The following STK32B variants were observed in gnomAD, a reference collection of about 807,000 sequenced individuals.
STK32B encodes the protein serine/threonine kinase 32B.
A neutral mutation model predicts 52.6 loss-of-function variants in STK32B; 43 were observed. That is an observed-to-expected ratio of 0.82 (90% CI 0.64 to 1.05). The LOEUF (loss-of-function observed/expected upper bound fraction) is 1.05. STK32B is among the 50% of genes least tolerant of loss of function. The pLI is 0.00. For synonymous variants in STK32B, 238 were observed against 204.3 expected, an observed-to-expected ratio of 1.17 and a Z score of -1.41; for missense variants, 621 against 534.6, an observed-to-expected ratio of 1.16 and a Z score of -1.59.
At chr4:5,066,374 G>C (rs1373888378) in intron 1 of STK32B, among the ~76,000 whole-genome samples, 2 of 152,140 alleles carry the variant, frequency 1.3e-5, no homozygotes, top group African/African-American at 4.8e-5. Context: ...TGGGCTTCCT[G>C]ACTGGCCTCC....
rs1742104949 is a variant in STK32B at position 5,058,791 on chromosome 4, C to G, written c.52+6876C>G. ...TGATATAGAATCTCTCTCTCTGTCT[C>G]CCAGGATGGAGTGCAGTGGCGTGGT... On this transcript the variant is annotated intron_variant, in intron 1 of 11. Transcript: ENST00000282908. The surrounding 1 kb of genome is among the most constrained non-coding windows in gnomAD (Gnocchi z 4.8). Among the ~76,000 whole-genome samples the G allele has an allele frequency of 6.6e-6, 1 of 152,022 alleles. No individual in the cohort carries two copies. The highest frequency in any genetic ancestry group is 2.4e-5 in the African/African-American group (1 of 41,404).
chr4:5,324,445 C>T (rs1417311804), intron 3 of STK32B, among the ~76,000 whole-genome samples: 1 of 152,148 alleles, frequency 6.6e-6, no homozygotes, highest in African/African-American at 2.4e-5. Context: ...TTATAAGGGA[C>T]TAGGGGGTCA....
chr4:5,041,311 C>T, the STK32B span, among the ~76,000 whole-genome samples: 1 of 151,666 alleles, frequency 6.6e-6, no homozygotes, highest in African/African-American at 2.4e-5. Flanking sequence ...CATGACGACT[C>T]CCTTAAGCCC....
chr4:5,206,252 A>G (rs1722570431), intron 3 of STK32B, among the ~76,000 whole-genome samples: 1 of 152,200 alleles, frequency 6.6e-6, no homozygotes, highest in South Asian at 2.1e-4. Context: ...TAGGATAATT[A>G]ATCAGAATCT....
intron 3 of STK32B, among the ~76,000 whole-genome samples, chr4:5,263,931 G>C (rs890472818): frequency 5.9e-5 from 9 of 152,164 alleles, no homozygotes; most frequent in African/African-American, 2.2e-4. Flanking sequence ...AAAATATTGT[G>C]CCTGGCTTCT....
At chr4:5,088,802 C>T (rs562651914) in intron 1 of STK32B, among the ~76,000 whole-genome samples, 22 of 151,624 alleles carry the variant, frequency 1.5e-4, no homozygotes, top group Non-Finnish European at 3.1e-4. Context: ...AAGCAGTGCT[C>T]AGAGGGAAAT....
At chr4:5,371,942 T>C (rs1487918893) in intron 4 of STK32B, among the ~76,000 whole-genome samples, 1 of 152,176 alleles carries the variant, frequency 6.6e-6, no homozygotes, top group African/African-American at 2.4e-5. Context: ...AGCACCTCCA[T>C]GCAGAACACA....
rs1720661872 is a variant in STK32B, at chr4:5,500,742, T to C, written c.*1659T>C. Reference sequence around the variant, plus strand: ...GATTGTGTGCTCCTCGTCAGTTGACTTGTTTTGCACACTTTTCTTTACTTC... The same window carrying C: ...GATTGTGTGCTCCTCGTCAGTTGACCTGTTTTGCACACTTTTCTTTACTTC... On this transcript the variant is annotated 3_prime_UTR_variant, in exon 12 of 12. Transcript: ENST00000282908. 1 of 152,236 alleles carries C rather than the reference T, an allele frequency of 6.6e-6. No individual in the cohort carries two copies. The highest frequency in any genetic ancestry group is 1.9e-4 in the East Asian group (1 of 5,204). 9.4% of individuals were successfully genotyped at this position (152,236 alleles called of 1,614,324 possible).
chr4:5,226,424 T>C (rs936607066), intron 3 of STK32B, among the ~76,000 whole-genome samples: 19 of 152,298 alleles, frequency 1.2e-4, no homozygotes, highest in South Asian at 4.1e-4. Context: ...CCAAAAACAT[T>C]AAATGAAAAA....
At chr4:5,434,460 A>G (rs5001898) in intron 6 of STK32B, among the ~76,000 whole-genome samples, 34 of 124,604 alleles carry the variant, frequency 2.7e-4, no homozygotes, top group Middle Eastern at 4.2e-3. Flanking sequence ...GTGTGTATAT[A>G]TATATATATA....
At position 5,378,507 on chromosome 4, in the gene STK32B, A is replaced by G. The variant is rs1371130704; in HGVS notation, c.435-19700A>G. 3.3e-5 allele frequency among the ~76,000 whole-genome samples: 5 copies of G among 152,074 alleles called. No homozygotes were observed. Among genetic ancestry groups the G allele is most frequent in the African/African-American group, 7.2e-5 (3 of 41,408 alleles). On this transcript the variant is annotated intron_variant, in intron 4 of 11. Transcript: ENST00000282908. This position sits in a 1 kb window ranked among gnomAD's most constrained non-coding sequence, Gnocchi z 4.4. ...TTGAACTTGTTTATTTCTAATTCCT[A>G]TGCCCTTTATCTTTCTGTTTTCTTC... is the stretch of plus-strand genomic sequence containing the variant.
At chr4:5,158,548 T>A (rs903094161) in intron 2 of STK32B, among the ~76,000 whole-genome samples, 1 of 152,122 alleles carries the variant, frequency 6.6e-6, no homozygotes, top group African/African-American at 2.4e-5. Flanking sequence ...TTAAAACAGC[T>A]CCCCAGTGCT....
chr4:5,322,713 C>T (rs1255360266), intron 3 of STK32B, among the ~76,000 whole-genome samples: 2 of 152,188 alleles, frequency 1.3e-5, no homozygotes, highest in African/African-American at 2.4e-5. Context: ...CTACCTTTAA[C>T]AACTGCACAA....
At chr4:5,233,074 A>G (rs1378402588) in intron 3 of STK32B, among the ~76,000 whole-genome samples, 1 of 152,168 alleles carries the variant, frequency 6.6e-6, no homozygotes, top group Non-Finnish European at 1.5e-5. Context: ...CTTTGCTAAA[A>G]TAACCTCAGA....
At chr4:5,255,284 G>T (rs1243888995) in intron 3 of STK32B, among the ~76,000 whole-genome samples, 1 of 152,136 alleles carries the variant, frequency 6.6e-6, no homozygotes, top group Non-Finnish European at 1.5e-5. Context: ...AGTTGTCATT[G>T]TATGTAGAAA....
intron 3 of STK32B, among the ~76,000 whole-genome samples, chr4:5,290,555 A>G (rs1017902994): frequency 1.3e-5 from 2 of 152,308 alleles, no homozygotes; most frequent in South Asian, 2.1e-4. Context: ...CATGCAGTCC[A>G]TTGTTGACTG....
the STK32B span, among the ~76,000 whole-genome samples, chr4:5,020,698 G>A: frequency 6.6e-6 from 1 of 151,710 alleles, no homozygotes; most frequent in Non-Finnish European, 1.5e-5. Context: ...GGGGTCCTCA[G>A]GCTGCCCAAG....
rs939916007 is a variant in STK32B at position 5,051,812 on chromosome 4, G to T, written c.-52G>T. The stretch of plus-strand genomic sequence containing the variant: ...CATCTCTGCGCGCGTCCCACATCCC[G>T]CATCCGGCATCCCAGCGGCCGGGCA... On this transcript the variant is annotated 5_prime_UTR_variant, in exon 1 of 12. Transcript: ENST00000282908. The T allele has an allele frequency of 1.3e-6, 2 of 1,561,444 alleles. No individual in the cohort carries two copies. The highest frequency in any genetic ancestry group is 2.4e-5 in the East Asian group (1 of 41,186).
chr4:5,369,335 A>G (rs550892778), intron 4 of STK32B, among the ~76,000 whole-genome samples: 1 of 152,072 alleles, frequency 6.6e-6, no homozygotes, highest in East Asian at 1.9e-4. Context: ...TACATGAGAG[A>G]GACATAAATT....
Sources: gnomAD v4.1 joint callset for allele counts (sites outside exome capture counted in the v4.1 genomes callset) on GRCh38, gnomAD v4.1.1 for gene constraint, Gnocchi (gnomAD v3.1) non-coding constraint, MANE v1.5 for transcripts, NCBI Gene and HGNC (gene_info 2026-07-23, HGNC 2026-07-21) for gene names.